The following CCDC68 variants were observed in gnomAD, a reference collection of about 807,000 sequenced individuals.
CCDC68 encodes the protein coiled-coil domain containing 68, also known as coiled-coil domain-containing protein 68.
In CCDC68, 45 loss-of-function variants were observed where a neutral mutation model predicts 47.1. The ratio of observed to expected loss-of-function variants is 0.96; its 90% CI spans 0.75 to 1.23. The LOEUF is 1.23. Ranked by LOEUF, CCDC68 falls within the 50% of genes most tolerant of loss-of-function variation. The pLI is 0.00. For missense variants in CCDC68, 353 were observed against 373.6 expected (o/e 0.94, Z 0.45); for synonymous variants, 131 against 129.5 (o/e 1.01, Z -0.08).
rs191022554 is a variant in CCDC68, at chr18:54,942,278, C to T, written c.117+397G>A. ...TGAACTGTGAAAAGGAACAAGGTAACGAGAGGCACCAACTCAGCAGGAAAT... is the reference window on the plus strand; with the variant it reads ...TGAACTGTGAAAAGGAACAAGGTAATGAGAGGCACCAACTCAGCAGGAAAT... On this transcript the variant is annotated intron_variant, in intron 3 of 11. Coordinates refer to ENST00000591504, the MANE Select transcript of CCDC68 (RefSeq NM_025214.3). Among the ~76,000 whole-genome samples, 1,080 of 152,222 alleles carry T rather than the reference C, an allele frequency of 7.1e-3. 11 individuals are homozygous for T. The highest frequency in any genetic ancestry group is 0.051 in the Middle Eastern group (15 of 294).
In CCDC68 at chr18:54,904,003, T is replaced by C. The variant is rs574111422; in HGVS notation, c.*355A>G. 4.7e-6 allele frequency: 1 copy of C among 213,598 alleles called. No homozygotes were observed. The highest frequency in any genetic ancestry group is 9.3e-6 in the Non-Finnish European group (1 of 107,154). The allele number at this position is 213,598 out of a possible 1,614,324, so 13.2% of individuals were successfully genotyped here. Reference sequence around the variant, plus strand: ...TACACTCTCCCTTCTATTTATACTCTTAAAAACCACTATAAAAAAGTCAGA... The same window carrying C: ...TACACTCTCCCTTCTATTTATACTCCTAAAAACCACTATAAAAAAGTCAGA... On this transcript the variant is annotated 3_prime_UTR_variant, in exon 12 of 12. Coordinates refer to ENST00000591504, the MANE Select transcript of CCDC68 (RefSeq NM_025214.3).
chr18:54,913,134 T>C (rs557015779), intron 10 of CCDC68, among the ~76,000 whole-genome samples: 1 of 152,228 alleles, frequency 6.6e-6, no homozygotes, highest in Non-Finnish European at 1.5e-5. Flanking sequence ...TGCTGAATGA[T>C]TTTAAACAGG....
chr18:54,941,903 C>A (rs1398915723), intron 3 of CCDC68, among the ~76,000 whole-genome samples: 5 of 152,154 alleles, frequency 3.3e-5, no homozygotes, highest in Admixed American at 6.5e-5. Context: ...TCAAGCGATT[C>A]TCCTGCCTCA....
rs753814180 is a variant in CCDC68 at position 54,904,360 on chromosome 18, A to G, written c.1006T>C (p.Ter336ArgextTer7). ...PYLMLIRLRK[*>R] is the part of the protein sequence containing the mutation. The stretch of plus-strand genomic sequence containing the variant: ...AATCAGATCTTCATCCAGCCAGTTC[A>G]TTTCCGTAACCTAATCAACATTAAA... Residue 336 changes from the stop codon to arginine (R), a stop_lost, in exon 12 of 12, where the codon TGA (stop) becomes CGA (arginine). Transcript: ENST00000591504. The G allele has an allele frequency of 6.2e-7, 1 of 1,612,146 alleles. No individual in the cohort carries two copies. The highest frequency in any genetic ancestry group is 1.1e-5 in the South Asian group (1 of 91,010).
intron 7 of CCDC68, among the ~76,000 whole-genome samples, chr18:54,932,707 G>A (rs904358125): frequency 1.0e-3 from 152 of 152,136 alleles, no homozygotes; most frequent in African/African-American, 3.6e-3. Flanking sequence ...TTATTATCAG[G>A]GCAGGAGATA....
chr18:54,947,947 G>A (rs1188060392), intron 1 of CCDC68, among the ~76,000 whole-genome samples: 1 of 152,202 alleles, frequency 6.6e-6, no homozygotes, highest in Non-Finnish European at 1.5e-5. Flanking sequence ...ACAAAGCAAT[G>A]CACACACGTT....
intron 7 of CCDC68, among the ~76,000 whole-genome samples, chr18:54,929,413 T>A (rs2044205148): frequency 6.6e-6 from 1 of 152,234 alleles, no homozygotes; most frequent in South Asian, 2.1e-4. Flanking sequence ...AAACTGAGAT[T>A]GCAATTTTAT....
At chr18:54,930,224 A>G (rs1042336804) in intron 7 of CCDC68, among the ~76,000 whole-genome samples, 3 of 152,130 alleles carry the variant, frequency 2.0e-5, no homozygotes, top group African/African-American at 7.2e-5. Context: ...CAGCTTTCTC[A>G]TCTTACTGTT....
In CCDC68 at chr18:54,942,823, A is replaced by G; in HGVS notation, c.-12-20T>C. ...TTCTGGCTTTAGGAAAACATAAATC[A>G]GCTAAGCAAAACAGACTGTTTTGAT... On this transcript the variant is annotated intron_variant, in intron 2 of 11. Transcript: ENST00000591504. 1 of 1,323,022 alleles carries G rather than the reference A, an allele frequency of 7.6e-7. No individual in the cohort carries two copies. Among genetic ancestry groups the G allele is most frequent in the Non-Finnish European group, 1.1e-6 (1 of 916,938 alleles). 82.0% of individuals were successfully genotyped at this position (1,323,022 alleles called of 1,614,324 possible). A position where few individuals can be genotyped will look rare whatever the true frequency, so the allele number is the denominator to read the frequency against.
rs1913715880 is a variant in CCDC68, at chr18:54,902,060, C to T, written c.*2298G>A. ...TTTGGGAAGGGCTATTATAATTTAA[C>T]CTATAAAGTAAATTTCTCCCAAAGT... is the stretch of plus-strand genomic sequence containing the variant. On this transcript the variant is annotated 3_prime_UTR_variant, in exon 12 of 12. Transcript: ENST00000591504. The T allele has an allele frequency of 6.6e-6, 1 of 152,098 alleles. No homozygotes were observed. The highest frequency in any genetic ancestry group is 1.5e-5 in the Non-Finnish European group (1 of 68,004). The allele number at this position is 152,098 out of a possible 1,614,324, so 9.4% of individuals were successfully genotyped here. A position where few individuals can be genotyped will look rare whatever the true frequency, so the allele number is the denominator to read the frequency against.
intron 10 of CCDC68, among the ~76,000 whole-genome samples, chr18:54,915,139 C>A (rs1270866602): frequency 6.6e-6 from 1 of 152,206 alleles, no homozygotes; most frequent in African/African-American, 2.4e-5. Context: ...CCAATTAAAA[C>A]ATATTACAGA....
chr18:54,944,019 G>C (rs941886374), intron 2 of CCDC68, among the ~76,000 whole-genome samples: 4 of 151,918 alleles, frequency 2.6e-5, no homozygotes, highest in Non-Finnish European at 5.9e-5. Flanking sequence ...AGCTGGGCAT[G>C]GTGCACATCT....
At chr18:54,919,208 C>T (rs369339638) in intron 9 of CCDC68, 63 bp downstream of exon 9, 42 of 1,274,578 alleles carry the variant, frequency 3.3e-5, no homozygotes, top group Admixed American at 5.1e-5. Flanking sequence ...TCAAGCCACT[C>T]GTATTTGGGC....
At chr18:54,933,228 C>T (rs745335649) in intron 7 of CCDC68, among the ~76,000 whole-genome samples, 5 of 152,102 alleles carry the variant, frequency 3.3e-5, no homozygotes, top group African/African-American at 4.8e-5. Context: ...ACTAAAGGTG[C>T]GTGCCACCAT....
In CCDC68 at chr18:54,905,409, A is replaced by AGAAGGAAG. The variant is rs35996831; in HGVS notation, c.951-1002_951-995dup. 1.1e-3 allele frequency among the ~76,000 whole-genome samples: 123 copies of AGAAGGAAG among 107,804 alleles called. 2 individuals are homozygous for AGAAGGAAG. Among genetic ancestry groups the AGAAGGAAG allele is most frequent in the South Asian group, 1.8e-3 (5 of 2,778 alleles). 70.7% of individuals were successfully genotyped at this position (107,804 alleles called of 152,430 possible). On this transcript the variant is annotated intron_variant, in intron 11 of 11. Coordinates refer to ENST00000591504, the MANE Select transcript of CCDC68 (RefSeq NM_025214.3). ...GGAAGAGGGGAGGGAAAGGAAGGGA[A>AGAAGGAAG]GAAGGAAGGAAGGAAGGAAGGAAGA...
intron 7 of CCDC68, among the ~76,000 whole-genome samples, chr18:54,933,026 G>A (rs1300282836): frequency 6.6e-6 from 1 of 152,184 alleles, no homozygotes; most frequent in Non-Finnish European, 1.5e-5. Flanking sequence ...ACTCTGAGAT[G>A]AACTAACATC....
intron 10 of CCDC68, among the ~76,000 whole-genome samples, chr18:54,915,487 G>A (rs992492704): frequency 6.6e-6 from 1 of 152,212 alleles, no homozygotes. Context: ...TATATAACAG[G>A]CACATAGATT....
At chr18:54,937,020 A>T (rs2044361505) in intron 5 of CCDC68, 62 bp from the exon 6 acceptor site, 2 of 1,551,024 alleles carry the variant, frequency 1.3e-6, no homozygotes, top group South Asian at 1.1e-5. Context: ...AAGGCAGAAC[A>T]GTTTGATGGG....
chr18:54,945,050 T>C (rs1228222032), intron 2 of CCDC68, among the ~76,000 whole-genome samples: 1 of 152,238 alleles, frequency 6.6e-6, no homozygotes, highest in Non-Finnish European at 1.5e-5. Context: ...TGACATTCTT[T>C]AAAAGGATTG....
Sources: allele counts gnomAD v4.1 joint callset (sites outside exome capture counted in the v4.1 genomes callset), GRCh38; gene constraint gnomAD v4.1.1; transcripts MANE v1.5; gene names NCBI Gene and HGNC (gene_info 2026-07-23, HGNC 2026-07-21).